Variants in KCTD8 observed in about 807,000 individuals in gnomAD.
KCTD8 encodes potassium channel tetramerization domain containing 8, also known as BTB/POZ domain-containing protein KCTD8.
KCTD8 carries 27 observed loss-of-function variants against 31.5 expected under a neutral mutation model. The observed-to-expected ratio is 0.86, with a 90% CI of 0.63 to 1.18. The LOEUF (loss-of-function observed/expected upper bound fraction) is 1.18. KCTD8 is among the 50% of genes most tolerant of loss of function. KCTD8 has a pLI of 0.00. For missense variants in KCTD8, 658 were observed against 647.7 expected, an observed-to-expected ratio of 1.02 and a Z score of -0.17; for synonymous variants, 290 against 280.0, an observed-to-expected ratio of 1.04 and a Z score of -0.36.
chr4:44,193,892 C>T (rs1485095914), intron 1 of KCTD8, among the ~76,000 whole-genome samples: 1 of 151,890 alleles, frequency 6.6e-6, no homozygotes, highest in Non-Finnish European at 1.5e-5. Flanking sequence ...TTATAAGAAG[C>T]AACTATGGTT....
chr4:44,191,542 A>G (rs891120764), intron 1 of KCTD8, among the ~76,000 whole-genome samples: 5 of 152,290 alleles, frequency 3.3e-5, no homozygotes, highest in Non-Finnish European at 5.9e-5. Flanking sequence ...ATTAAATATT[A>G]AGACCCTAGG....
intron 1 of KCTD8, among the ~76,000 whole-genome samples, chr4:44,287,660 A>G (rs967246125): frequency 1.3e-5 from 2 of 152,154 alleles, no homozygotes; most frequent in Non-Finnish European, 2.9e-5. Flanking sequence ...AATAAATAGC[A>G]CCTAATCTAA....
intron 1 of KCTD8, among the ~76,000 whole-genome samples, chr4:44,313,660 A>G (rs1265010526): frequency 2.0e-5 from 3 of 152,232 alleles, no homozygotes; most frequent in Non-Finnish European, 4.4e-5. Context: ...TAATCACTTA[A>G]TACAAAACTA....
At chr4:44,383,686 T>A (rs1203705907) in intron 1 of KCTD8, among the ~76,000 whole-genome samples, 1 of 151,862 alleles carries the variant, frequency 6.6e-6, no homozygotes, top group Non-Finnish European at 1.5e-5. Flanking sequence ...GATTAAAGAC[T>A]TAAATGTAAG....
At chr4:44,286,633 G>A (rs951700895) in intron 1 of KCTD8, among the ~76,000 whole-genome samples, 10 of 152,126 alleles carry the variant, frequency 6.6e-5, no homozygotes, top group Admixed American at 6.6e-5. Context: ...TAACAGATAC[G>A]TTTAAAGCTT....
At chr4:44,248,358 T>TA (rs1284166437) in intron 1 of KCTD8, among the ~76,000 whole-genome samples, 3 of 151,502 alleles carry the variant, frequency 2.0e-5, no homozygotes, top group African/African-American at 7.3e-5. Context: ...GAGACTTGCT[T>TA]ATCCTCTAGG....
At chr4:44,197,757 G>A (rs1025327302) in intron 1 of KCTD8, among the ~76,000 whole-genome samples, 1 of 152,122 alleles carries the variant, frequency 6.6e-6, no homozygotes, top group African/African-American at 2.4e-5. Flanking sequence ...AAGCCAGTGT[G>A]TCCCCCTAAC....
chr4:44,260,785 A>G (rs1010427303), intron 1 of KCTD8, among the ~76,000 whole-genome samples: 6 of 152,030 alleles, frequency 3.9e-5, no homozygotes, highest in Admixed American at 3.9e-4. Context: ...AGCAGCCACA[A>G]CAAAAATTTA....
At chr4:44,352,801 CCTCT>C (rs1421377153) in intron 1 of KCTD8, among the ~76,000 whole-genome samples, 1 of 151,808 alleles carries the variant, frequency 6.6e-6, no homozygotes, top group East Asian at 1.9e-4. Context: ...TTATGTAACA[CCTCT>C]CTATCTTCTT....
At chr4:44,290,122 T>G (rs1286130853) in intron 1 of KCTD8, among the ~76,000 whole-genome samples, 1 of 151,830 alleles carries the variant, frequency 6.6e-6, no homozygotes, top group Non-Finnish European at 1.5e-5. Context: ...TGGAGAAAGA[T>G]CTACCATACA....
chr4:44,400,554 C>T (rs552869149), intron 1 of KCTD8, among the ~76,000 whole-genome samples: 1 of 151,878 alleles, frequency 6.6e-6, no homozygotes, highest in South Asian at 2.1e-4. Context: ...CATGGCGAAA[C>T]CCTGCCTCAA....
At chr4:44,224,781 T>C (rs1323861847) in intron 1 of KCTD8, among the ~76,000 whole-genome samples, 1 of 152,172 alleles carries the variant, frequency 6.6e-6, no homozygotes, top group Non-Finnish European at 1.5e-5. Context: ...TGGGGCGAGA[T>C]AGTGAGTATG....
chr4:44,371,294 G>C (rs1235949577), intron 1 of KCTD8, among the ~76,000 whole-genome samples: 1 of 152,090 alleles, frequency 6.6e-6, no homozygotes, highest in African/African-American at 2.4e-5. Flanking sequence ...ATTCTAATAG[G>C]TACTTCCAGA....
intron 1 of KCTD8, among the ~76,000 whole-genome samples, chr4:44,346,825 C>A (rs925647201): frequency 1.3e-5 from 2 of 152,218 alleles, no homozygotes; most frequent in East Asian, 3.9e-4. Flanking sequence ...TTCATGTTTA[C>A]TACAAGGGAT....
Position 44,447,675 on chromosome 4 carries a change from C to T in KCTD8, c.849G>A (p.Leu283=), listed in dbSNP as rs1383556589. ...CCACCATGTGGAAGCCGGCCTCGGA[C>T]AGGCGATCAAAGGCCTGCTCCAAGT... ...FTYLEQAFDR[L]SEAGFHMVAC... is the part of the protein sequence containing the mutation. The change falls in exon 1 of 2, where the codon CTG becomes CTA. Residue 283 remains leucine, a synonymous_variant. Transcript: ENST00000360029. 1 of 1,612,400 alleles carries T rather than the reference C, an allele frequency of 6.2e-7. No homozygotes were observed. The highest frequency in any genetic ancestry group is 8.5e-7 in the Non-Finnish European group (1 of 1,179,432).
intron 1 of KCTD8, among the ~76,000 whole-genome samples, chr4:44,286,426 C>A (rs1436349748): frequency 6.6e-6 from 1 of 152,064 alleles, no homozygotes; most frequent in Non-Finnish European, 1.5e-5. Context: ...CTTTATAACA[C>A]AATATATTTG....
intron 1 of KCTD8, among the ~76,000 whole-genome samples, chr4:44,219,909 CT>C (rs1436729997): frequency 3.3e-5 from 5 of 152,144 alleles, no homozygotes; most frequent in Non-Finnish European, 5.9e-5. Flanking sequence ...GACAAATTAT[CT>C]GTAAGCTTCA....
At chr4:44,210,023 G>T (rs1714435789) in intron 1 of KCTD8, among the ~76,000 whole-genome samples, 1 of 152,166 alleles carries the variant, frequency 6.6e-6, no homozygotes, top group Non-Finnish European at 1.5e-5. Flanking sequence ...TACTTAAAAA[G>T]TGGAGCTCTA....
chr4:44,353,464 C>A (rs969918676), intron 1 of KCTD8, among the ~76,000 whole-genome samples: 1 of 151,980 alleles, frequency 6.6e-6, no homozygotes, highest in African/African-American at 2.4e-5. Context: ...TTTATCATTT[C>A]TTTAAGAACA....
Sources: gnomAD v4.1 joint callset for allele counts (sites outside exome capture counted in the v4.1 genomes callset) on GRCh38, gnomAD v4.1.1 for gene constraint, MANE v1.5 for transcripts, NCBI Gene and HGNC (gene_info 2026-07-23, HGNC 2026-07-21) for gene names.